HID1: variants seen among roughly 807,000 people sequenced by gnomAD.
HID1 encodes the protein HID1 domain containing, also known as protein HID1.
HID1 carries 42 observed loss-of-function variants against 89.7 expected under a neutral mutation model. That is an observed-to-expected ratio of 0.47 (90% confidence interval 0.37 to 0.61). HID1 has a LOEUF of 0.61. Among genes scored for constraint, HID1 ranks in the 20% least tolerant of loss-of-function variants. The pLI, the probability that HID1 is intolerant of heterozygous loss-of-function variation, is 0.00. For missense variants in HID1, 854 were observed against 1,039.3 expected (o/e 0.82, Z 2.45); for synonymous variants, 442 against 433.8 (o/e 1.02, Z -0.24).
At chr17:74,970,500 C>A (rs539276865) in intron 1 of HID1, among the ~76,000 whole-genome samples, 9 of 152,200 alleles carry the variant, frequency 5.9e-5, no homozygotes, top group Non-Finnish European at 1.2e-4. Flanking sequence ...CTGGGACTGT[C>A]TCCCTCCAGA....
Position 74,958,883 on chromosome 17 carries a change from C to A in HID1, c.1149+28G>T. 4.4e-6 allele frequency: 7 copies of A among 1,583,124 alleles called. No individual in the cohort carries two copies. Among genetic ancestry groups the A allele is most frequent in the Non-Finnish European group, 6.0e-6 (7 of 1,166,012 alleles). Reference sequence around the variant, plus strand: ...TATTGGGGCAGCTGCTCTCCATCTCCCTGCAGGGCCCCTCGAGGCTGGCCC... The same window carrying A: ...TATTGGGGCAGCTGCTCTCCATCTCACTGCAGGGCCCCTCGAGGCTGGCCC... On this transcript the variant is annotated intron_variant, in intron 9 of 18. Transcript: ENST00000425042. The surrounding 1 kb of genome is among the most constrained non-coding windows in gnomAD (Gnocchi z 5.2).
chr17:74,966,349 T>A (rs958563379), intron 1 of HID1, among the ~76,000 whole-genome samples: 1 of 150,808 alleles, frequency 6.6e-6, no homozygotes, highest in African/African-American at 2.4e-5. Context: ...CAACTCTCTC[T>A]CTGGGTGGTT....
rs2039493552 is a variant in HID1, at chr17:74,962,242, A to G, written c.603T>C (p.Asp201=). The change falls in exon 5 of 19, where the codon GAT becomes GAC. Residue 201 remains aspartate, a synonymous_variant. Transcript: ENST00000425042. This position sits in a 1 kb window ranked among gnomAD's most constrained non-coding sequence, Gnocchi z 4.3. The part of the protein sequence containing the change: ...AHSPQPNYIH[D]MNRMELLKLL... ...GCCTGGGCGAAGCTCACCGGTTCATATCGTGGATGTAGTTAGGCTGGGGGG... is the reference window on the plus strand; with the variant it reads ...GCCTGGGCGAAGCTCACCGGTTCATGTCGTGGATGTAGTTAGGCTGGGGGG... The G allele has an allele frequency of 3.1e-6, 5 of 1,606,398 alleles. No homozygotes were observed. Among genetic ancestry groups the G allele is most frequent in the Non-Finnish European group, 4.3e-6 (5 of 1,174,008 alleles).
In HID1 at chr17:74,960,801, G is replaced by A. The variant is rs184423183; in HGVS notation, c.729-553C>T. Among the ~76,000 whole-genome samples the A allele has an allele frequency of 9.8e-4, 149 of 152,346 alleles. 1 individual carries two copies. Among genetic ancestry groups the A allele is most frequent in the African/African-American group, 3.3e-3 (139 of 41,580 alleles). On this transcript the variant is annotated intron_variant, in intron 6 of 18. Transcript: ENST00000425042. ...GGCTAGGAAACCTGAAGAATAAGGC[G>A]TGTCATGTAGGGACCAGAGTCTGGA... is the stretch of plus-strand genomic sequence containing the variant.
rs779426338 is a variant in HID1 at position 74,958,668 on chromosome 17, CT to C, written c.1240+4del. 3 of 725,516 alleles carry C rather than the reference CT, an allele frequency of 4.1e-6. No individual in the cohort carries two copies. The allele number at this position is 725,516 out of a possible 1,614,324, so 44.9% of individuals were successfully genotyped here. ...CCCAGCATCCCACCCCCACCCTGGT[CT>C]TACACTGATCGGCCCGGGCATCGTT... On this transcript the variant is annotated splice_donor_region_variant and intron_variant, in intron 10 of 18. Coordinates refer to ENST00000425042, the MANE Select transcript of HID1 (RefSeq NM_030630.3). This position sits in a 1 kb window ranked among gnomAD's most constrained non-coding sequence, Gnocchi z 5.2.
chr17:74,956,106 A>G (rs2039387443), intron 12 of HID1, 150 bp from the exon 13 acceptor site: 7 of 764,838 alleles, frequency 9.2e-6, no homozygotes, highest in Non-Finnish European at 1.5e-5. Flanking sequence ...GGCTGAGTCC[A>G]CACTGGCCAT....
intron 6 of HID1, among the ~76,000 whole-genome samples, chr17:74,961,063 A>G (rs187560472): frequency 6.6e-6 from 1 of 151,524 alleles, no homozygotes; most frequent in Non-Finnish European, 1.5e-5. Context: ...GCAGAGTCCC[A>G]CACAGCAGCC....
chr17:74,955,841 G>T lies in HID1; in HGVS notation c.1587C>A (p.Val529=). ...TGTTGAAGACCTCCAGGAGGAAGAA[G>T]ACCAGGTGGTGGTTCTGGGCGGCAG... ...LFSAAQNHHL[V]FFLLEVFNNI... Residue 529 remains valine (V), a synonymous_variant, in exon 13 of 19, where the codon GTC becomes GTA. Transcript: ENST00000425042. The T allele has an allele frequency of 6.2e-7, 1 of 1,614,218 alleles. No homozygotes were observed. The highest frequency in any genetic ancestry group is 8.5e-7 in the Non-Finnish European group (1 of 1,180,030).
chr17:74,972,444 G>A lies in HID1; in HGVS notation c.66+147C>T, dbSNP rs1484973031. The A allele has an allele frequency of 2.8e-6, 2 of 714,536 alleles. No individual in the cohort carries two copies. The highest frequency in any genetic ancestry group is 1.9e-5 in the African/African-American group (1 of 53,890). 44.3% of individuals were successfully genotyped at this position (714,536 alleles called of 1,614,324 possible). ...GATGGAGCTTCCAGGTACAGGCCGCGGGGTCCCGTTCCGGCGCTGGCCTTG... is the reference window on the plus strand; with the variant it reads ...GATGGAGCTTCCAGGTACAGGCCGCAGGGTCCCGTTCCGGCGCTGGCCTTG... On this transcript the variant is annotated intron_variant, in intron 1 of 18. Coordinates refer to ENST00000425042, the MANE Select transcript of HID1 (RefSeq NM_030630.3). The surrounding 1 kb of genome is among the most constrained non-coding windows in gnomAD (Gnocchi z 6.4).
At chr17:74,968,339 G>A (rs962338642) in intron 1 of HID1, among the ~76,000 whole-genome samples, 7 of 152,054 alleles carry the variant, frequency 4.6e-5, no homozygotes, top group Middle Eastern at 3.2e-3. Flanking sequence ...CTGAAGCTGC[G>A]CTCAGTCCTG....
In HID1 at chr17:74,962,271, G is replaced by T. The variant is rs147489114; in HGVS notation, c.574C>A (p.His192Asn). Residue 192 changes from histidine to asparagine, a missense_variant, in exon 5 of 19, where the codon CAC (histidine) becomes AAC (asparagine). By Grantham distance (68) the His-to-Asn change is moderately conservative. Coordinates refer to ENST00000425042, the MANE Select transcript of HID1 (RefSeq NM_030630.3). This position sits in a 1 kb window ranked among gnomAD's most constrained non-coding sequence, Gnocchi z 4.3. ...TGGATGTAGTTAGGCTGGGGGGAGT[G>T]AGCGAAGCCCACACCAGCCTCCCAG... is the stretch of plus-strand genomic sequence containing the variant. ...YIWEAGVGFAHSPQPNYIHDM... is the reference protein window; with the variant it reads ...YIWEAGVGFANSPQPNYIHDM... 3.8e-5 allele frequency: 61 copies of T among 1,611,606 alleles called. No homozygotes were observed. Among genetic ancestry groups the T allele is most frequent in the Admixed American group, 1.2e-4 (7 of 59,920 alleles).
chr17:74,952,199 C>T (rs2144797370), intron 17 of HID1, 70 bp downstream of exon 17: 1 of 1,538,730 alleles, frequency 6.5e-7, no homozygotes, highest in East Asian at 2.3e-5. Context: ...GCCCACCTGC[C>T]CACACCACCG....
At position 74,954,277 on chromosome 17, in the gene HID1, G is replaced by C. The variant is rs80198913; in HGVS notation, c.1725C>G (p.His575Gln). Residue 575 changes from histidine (H) to glutamine (Q), a missense_variant, in exon 14 of 19, where the codon CAC (histidine) becomes CAG (glutamine). Transcript: ENST00000425042. ...TCCGCCGGCGCCGCTGCAGGGCCTT[G>C]TGAATGGTGGGCGGGTCCGTGGGCA... is the stretch of plus-strand genomic sequence containing the variant. ...ANLPTDPPTI[H>Q]KALQRRRRTP... 3.8e-6 allele frequency: 6 copies of C among 1,588,120 alleles called. No individual in the cohort carries two copies. The highest frequency in any genetic ancestry group is 5.1e-6 in the Non-Finnish European group (6 of 1,168,158).
In HID1 at chr17:74,960,101, C is replaced by T; in HGVS notation, c.876G>A (p.Leu292=). The T allele has an allele frequency of 6.2e-7, 1 of 1,614,000 alleles. No homozygotes were observed. Among genetic ancestry groups the T allele is most frequent in the Non-Finnish European group, 8.5e-7 (1 of 1,180,044 alleles). The change falls in exon 7 of 19, where the codon TTG becomes TTA. Residue 292 remains leucine, a synonymous_variant. Coordinates refer to ENST00000425042, the MANE Select transcript of HID1 (RefSeq NM_030630.3). ...EEAAQVLIVT[L]DHDSASSASP... ...TGGCACTGCTGGCACTGTCGTGGTC[C>T]AAAGTGACAATGAGCACCTGGGCAG...
At chr17:74,971,831 A>C (rs925941958) in intron 1 of HID1, among the ~76,000 whole-genome samples, 1 of 152,176 alleles carries the variant, frequency 6.6e-6, no homozygotes, top group South Asian at 2.1e-4. Context: ...ACTAGGCTGG[A>C]GGGTCCTTAG....
Position 74,951,632 on chromosome 17 carries a change from T to G in HID1, c.2305A>C (p.Asn769His), listed in dbSNP as rs753885082. Reference protein sequence around the residue: ...TYMWGVIYLRNVDPPVWYDTD... With the variant: ...TYMWGVIYLRHVDPPVWYDTD... Reference sequence around the variant, plus strand: ...TCGTACCAGACAGGGGGGTCCACATTCCTGTGGAGGAAATGGGGGGTTACC... The same window carrying G: ...TCGTACCAGACAGGGGGGTCCACATGCCTGTGGAGGAAATGGGGGGTTACC... The change falls in exon 19 of 19, where the codon AAT becomes CAT. Residue 769 changes from asparagine to histidine, a missense_variant and splice_region_variant. Physicochemically the swap from Asn to His is moderately conservative, Grantham distance 68. Transcript: ENST00000425042. The G allele has an allele frequency of 1.9e-6, 3 of 1,611,964 alleles. No individual in the cohort carries two copies. Among genetic ancestry groups the G allele is most frequent in the Non-Finnish European group, 2.5e-6 (3 of 1,179,158 alleles).
chr17:74,969,747 G>A (rs961333307), intron 1 of HID1, among the ~76,000 whole-genome samples: 43 of 149,028 alleles, frequency 2.9e-4, no homozygotes, highest in Admixed American at 2.1e-3. Context: ...GACTACAGGC[G>A]CACCCCACCC....
In HID1 at chr17:74,959,112, A is replaced by G; in HGVS notation, c.1009-61T>C. On this transcript the variant is annotated intron_variant, in intron 8 of 18. Coordinates refer to ENST00000425042, the MANE Select transcript of HID1 (RefSeq NM_030630.3). This position sits in a 1 kb window ranked among gnomAD's most constrained non-coding sequence, Gnocchi z 4.6. ...CCAATCCCTGCAGCTCCAGTTTCCCAGCCCAGGCCCCCAACAAATCCCCCC... is the reference window on the plus strand; with the variant it reads ...CCAATCCCTGCAGCTCCAGTTTCCCGGCCCAGGCCCCCAACAAATCCCCCC... 6.8e-7 allele frequency: 1 copy of G among 1,475,122 alleles called. No homozygotes were observed. The highest frequency in any genetic ancestry group is 9.0e-7 in the Non-Finnish European group (1 of 1,116,354). 91.4% of individuals were successfully genotyped at this position (1,475,122 alleles called of 1,614,324 possible). A position where few individuals can be genotyped will look rare whatever the true frequency, so the allele number is the denominator to read the frequency against.
chr17:74,954,327 T>A lies in HID1; in HGVS notation c.1675A>T (p.Ser559Cys). 4 of 1,583,696 alleles carry A rather than the reference T, an allele frequency of 2.5e-6. No homozygotes were observed. Among genetic ancestry groups the A allele is most frequent in the Non-Finnish European group, 3.4e-6 (4 of 1,165,524 alleles). The change falls in exon 14 of 19, where the codon AGC becomes TGC. Residue 559 changes from serine to cysteine, a missense_variant. Ser to Cys is a moderately radical substitution (Grantham distance 112, BLOSUM62 -1). Transcript: ENST00000425042. The stretch of plus-strand genomic sequence containing the variant: ...AGGTTGGCCAGCTGGTGGAAGATGC[T>A]GCGCTTGCGGATGATGGCGTAGACC... ...NLVYAIIRKR[S>C]IFHQLANLPT...
Sources: gnomAD v4.1 joint callset for allele counts (sites outside exome capture counted in the v4.1 genomes callset) on GRCh38, gnomAD v4.1.1 for gene constraint, Gnocchi (gnomAD v3.1) non-coding constraint, MANE v1.5 for transcripts, NCBI Gene and HGNC (gene_info 2026-07-23, HGNC 2026-07-21) for gene names.